SMURF2: variants seen among roughly 807,000 people sequenced by gnomAD.
SMURF2 encodes the protein SMAD specific E3 ubiquitin protein ligase 2, also known as E3 ubiquitin-protein ligase SMURF2.
Under a neutral mutation model 109.6 loss-of-function variants are expected in SMURF2, and 48 were observed. That is an observed-to-expected ratio of 0.44 (90% CI 0.35 to 0.56). SMURF2 has a LOEUF of 0.56. Ranked by LOEUF, SMURF2 falls within the 20% of genes least tolerant of loss-of-function variation. The pLI, the probability that SMURF2 is intolerant of heterozygous loss-of-function variation, is 0.01. For missense variants in SMURF2, 575 were observed against 909.0 expected (o/e 0.63, Z 4.72); for synonymous variants, 288 against 317.1 (o/e 0.91, Z 0.97).
At chr17:64,588,091 CAA>C (rs375759315) in intron 5 of SMURF2, among the ~76,000 whole-genome samples, 8,071 of 68,740 alleles carry the variant, frequency 0.12, 303 homozygotes, top group Admixed American at 0.21. Flanking sequence ...GTTTATGGTC[CAA>C]AAAAAAAAAA....
Position 64,544,361 on chromosome 17 carries a change from CAG to C in SMURF2, c.*1485_*1486del, listed in dbSNP as rs1278086015. On this transcript the variant is annotated 3_prime_UTR_variant, in exon 19 of 19. Transcript: ENST00000262435. ...CTGAAACCCACTCCATCACATGAAA[CAG>C]AACACAGAGGACCTATTTACTTGAT... 2 of 152,148 alleles carry C rather than the reference CAG, an allele frequency of 1.3e-5. No homozygotes were observed. The highest frequency in any genetic ancestry group is 2.4e-5 in the African/African-American group (1 of 41,410). 9.4% of individuals were successfully genotyped at this position (152,148 alleles called of 1,614,324 possible).
rs1969918802 is a variant in SMURF2, at chr17:64,602,964, C to T, written c.91+3638G>A. Among the ~76,000 whole-genome samples, 3 of 151,990 alleles carry T rather than the reference C, an allele frequency of 2.0e-5. No homozygotes were observed. In the South Asian group the frequency reaches 6.2e-4, roughly 32 times the overall value. ...ATTTTTTTTTGTCTCAATTCTCCCC[C>T]ATCATTTCTGAGACATGTAAAATAG... is the stretch of plus-strand genomic sequence containing the variant. On this transcript the variant is annotated intron_variant, in intron 2 of 18. Transcript: ENST00000262435.
intron 2 of SMURF2, among the ~76,000 whole-genome samples, chr17:64,602,685 T>C (rs1969914256): frequency 6.6e-6 from 1 of 152,122 alleles, no homozygotes; most frequent in South Asian, 2.1e-4. Context: ...TCCCAGCACT[T>C]TGGGAGGCCG....
intron 1 of SMURF2, among the ~76,000 whole-genome samples, chr17:64,644,474 T>C (rs1357119529): frequency 1.3e-5 from 2 of 150,430 alleles, no homozygotes; most frequent in Non-Finnish European, 3.0e-5. Flanking sequence ...CACATACCTA[T>C]AGTCCCAACT....
intron 5 of SMURF2, among the ~76,000 whole-genome samples, chr17:64,590,292 C>T (rs1969733370): frequency 6.6e-6 from 1 of 151,912 alleles, no homozygotes. Context: ...CAGGCACCTG[C>T]CACCATGCCC....
At chr17:64,647,679 TAAA>T (rs782754711) in intron 1 of SMURF2, among the ~76,000 whole-genome samples, 3 of 121,580 alleles carry the variant, frequency 2.5e-5, no homozygotes, top group Non-Finnish European at 1.8e-5. Context: ...AGACTCTGTC[TAAA>T]AAAAAAAAAA....
intron 1 of SMURF2, among the ~76,000 whole-genome samples, chr17:64,611,602 G>A (rs1291205899): frequency 2.0e-5 from 3 of 151,954 alleles, no homozygotes; most frequent in African/African-American, 7.3e-5. Context: ...TTCTACCTCG[G>A]AAATATCCTT....
At chr17:64,658,064 G>A (rs1970728477) in intron 1 of SMURF2, among the ~76,000 whole-genome samples, 1 of 151,990 alleles carries the variant, frequency 6.6e-6, no homozygotes, top group African/African-American at 2.4e-5. Context: ...AGTATATAAA[G>A]TCATTATGGG....
At chr17:64,596,825 G>A (rs1157874577) in intron 3 of SMURF2, among the ~76,000 whole-genome samples, 1 of 152,106 alleles carries the variant, frequency 6.6e-6, no homozygotes, top group Non-Finnish European at 1.5e-5. Flanking sequence ...TTCTATAGGA[G>A]AGTCTGAGGA....
At chr17:64,619,922 A>G (rs1970180270) in intron 1 of SMURF2, among the ~76,000 whole-genome samples, 1 of 152,128 alleles carries the variant, frequency 6.6e-6, no homozygotes, top group African/African-American at 2.4e-5. Flanking sequence ...ATTGAGTCCC[A>G]ATCTGTTTCT....
chr17:64,580,614 G>A (rs1369561521), intron 8 of SMURF2, among the ~76,000 whole-genome samples, 175 bp downstream of exon 8: 1 of 152,136 alleles, frequency 6.6e-6, no homozygotes, highest in Non-Finnish European at 1.5e-5. Flanking sequence ...TCAAACTGTT[G>A]GTTAGGTAGT....
intron 1 of SMURF2, among the ~76,000 whole-genome samples, chr17:64,621,078 A>T (rs1325791577): frequency 3.3e-5 from 5 of 152,198 alleles, no homozygotes; most frequent in Non-Finnish European, 4.4e-5. Context: ...TAATGTTCTA[A>T]AATTTTATTT....
intron 9 of SMURF2, among the ~76,000 whole-genome samples, chr17:64,576,264 A>G (rs1969488624): frequency 6.6e-6 from 1 of 152,038 alleles, no homozygotes; most frequent in Admixed American, 6.6e-5. Context: ...ATGGTAAATC[A>G]CTAAATTTAT....
rs1555684654 is a variant in SMURF2, at chr17:64,562,855, T to C, written c.1128A>G (p.Leu376=). ...GGGAAAGTTCTTGCCGCAAAATTTT[T>C]AGTTTCTGAACCAGGTCTCGCTTGT... ...PRYKRDLVQK[L]KILRQELSQQ... Residue 376 remains leucine (L), a synonymous_variant, in exon 11 of 19, where the codon CTA becomes CTG. Transcript: ENST00000262435. 3 of 1,614,090 alleles carry C rather than the reference T, an allele frequency of 1.9e-6. No homozygotes were observed. The highest frequency in any genetic ancestry group is 1.3e-5 in the African/African-American group (1 of 74,932).
chr17:64,654,648 G>A (rs561229831), intron 1 of SMURF2, among the ~76,000 whole-genome samples: 3 of 152,072 alleles, frequency 2.0e-5, no homozygotes, highest in African/African-American at 7.2e-5. Context: ...TGACCAACAT[G>A]GAGAAACCCC....
intron 12 of SMURF2, among the ~76,000 whole-genome samples, chr17:64,558,386 C>T (rs187877602): frequency 1.3e-5 from 2 of 151,712 alleles, no homozygotes; most frequent in African/African-American, 4.8e-5. Flanking sequence ...GTGACAGAGA[C>T]CCTGTCTCAA....
rs541066622 is a variant in SMURF2, at chr17:64,628,736, A to T, written c.53-22096T>A. 5.3e-5 allele frequency among the ~76,000 whole-genome samples: 8 copies of T among 152,278 alleles called. No individual in the cohort carries two copies. In the East Asian group the frequency reaches 1.5e-3, roughly 29 times the overall value. On this transcript the variant is annotated intron_variant, in intron 1 of 18. Coordinates refer to ENST00000262435, the MANE Select transcript of SMURF2 (RefSeq NM_022739.4). ...TTGAAGGATTCTCTAACAAGAGGTA[A>T]AGAAAGGGCAGCTCTTTCTCCGTGA...
chr17:64,620,867 T>C (rs184695631), intron 1 of SMURF2, among the ~76,000 whole-genome samples: 1 of 152,202 alleles, frequency 6.6e-6, no homozygotes, highest in Non-Finnish European at 1.5e-5. Flanking sequence ...TATAAGGATG[T>C]GCAAACTAAA....
intron 1 of SMURF2, among the ~76,000 whole-genome samples, chr17:64,640,935 A>G (rs1304135924): frequency 6.6e-6 from 1 of 151,596 alleles, no homozygotes; most frequent in Non-Finnish European, 1.5e-5. Flanking sequence ...AAAAAAGAAA[A>G]AAGAAAAAAA....
Sources: gnomAD v4.1 joint callset for allele counts (sites outside exome capture counted in the v4.1 genomes callset) on GRCh38, gnomAD v4.1.1 for gene constraint, MANE v1.5 for transcripts, NCBI Gene and HGNC (gene_info 2026-07-23, HGNC 2026-07-21) for gene names.